The following GMPS variants were observed in gnomAD, a reference collection of about 807,000 sequenced individuals.
The protein encoded by GMPS is GMP synthase [glutamine-hydrolyzing].
A neutral mutation model predicts 77.9 loss-of-function variants in GMPS; 15 were observed. That is an observed-to-expected ratio of 0.19 (90% CI 0.13 to 0.30). GMPS has a LOEUF of 0.30. Among genes scored for constraint, GMPS ranks in the 10% least tolerant of loss-of-function variants. GMPS has a pLI of 1.00. For missense variants in GMPS, 590 were observed against 838.8 expected (o/e 0.70, Z 3.66); for synonymous variants, 224 against 275.9 (o/e 0.81, Z 1.86).
At chr3:155,936,584 C>T in intron 15 of GMPS, 74 bp downstream of exon 15, 1 of 835,322 alleles carries the variant, frequency 1.2e-6, no homozygotes. Flanking sequence ...ATGGAATAGG[C>T]TATGCCAGTG....
intron 1 of GMPS, among the ~76,000 whole-genome samples, chr3:155,875,059 C>A (rs149770830): frequency 1.3e-3 from 201 of 151,766 alleles, no homozygotes; most frequent in African/African-American, 4.4e-3. Context: ...GCTGGGATTA[C>A]AGGCGTGTGC....
intron 3 of GMPS, among the ~76,000 whole-genome samples, chr3:155,902,175 C>G (rs982796880): frequency 3.3e-5 from 5 of 152,120 alleles, no homozygotes; most frequent in African/African-American, 9.7e-5. Flanking sequence ...GTGAAGAGAC[C>G]TGAAGACATG....
chr3:155,893,140 C>T (rs1272253929), intron 1 of GMPS, among the ~76,000 whole-genome samples: 1 of 152,116 alleles, frequency 6.6e-6, no homozygotes, highest in African/African-American at 2.4e-5. Flanking sequence ...AACTGGGACA[C>T]TTTGAGATTG....
intron 1 of GMPS, among the ~76,000 whole-genome samples, chr3:155,886,247 T>G (rs1394977005): frequency 6.6e-6 from 1 of 151,842 alleles, no homozygotes; most frequent in Non-Finnish European, 1.5e-5. Flanking sequence ...ACAGAATACA[T>G]AGAGAAATGG....
chr3:155,913,179 T>A (rs1183236870), intron 7 of GMPS, among the ~76,000 whole-genome samples: 1 of 152,236 alleles, frequency 6.6e-6, no homozygotes, highest in East Asian at 1.9e-4. Flanking sequence ...ATATGTCTTC[T>A]CTGGGTAGTT....
At chr3:155,878,234 T>G (rs1278584212) in intron 1 of GMPS, among the ~76,000 whole-genome samples, 1 of 152,218 alleles carries the variant, frequency 6.6e-6, no homozygotes, top group Non-Finnish European at 1.5e-5. Context: ...CCGTAGCACC[T>G]ATTTTGGACA....
chr3:155,938,380 C>G lies in GMPS; in HGVS notation c.*688C>G, dbSNP rs902378632. On this transcript the variant is annotated 3_prime_UTR_variant, in exon 16 of 16. Coordinates refer to ENST00000496455, the MANE Select transcript of GMPS (RefSeq NM_003875.3). ...TTTCAAACCATGTTCCACATAGATG[C>G]CATGTTATTCAATGTCAGCTTGTTT... 4.7e-6 allele frequency: 1 copy of G among 214,966 alleles called. No homozygotes were observed. The highest frequency in any genetic ancestry group is 2.3e-5 in the African/African-American group (1 of 44,366). The allele number at this position is 214,966 out of a possible 1,614,324, so 13.3% of individuals were successfully genotyped here. A position where few individuals can be genotyped will look rare whatever the true frequency, so the allele number is the denominator to read the frequency against.
At chr3:155,916,245 T>TG in intron 9 of GMPS, 53 bp downstream of exon 9, 2 of 1,108,230 alleles carry the variant, frequency 1.8e-6, no homozygotes, top group Non-Finnish European at 2.7e-6. Flanking sequence ...AAGTCTTCCA[T>TG]TCTTCCCTCC....
chr3:155,887,791 G>T (rs187524996), intron 1 of GMPS, among the ~76,000 whole-genome samples: 3 of 151,372 alleles, frequency 2.0e-5, no homozygotes, highest in Non-Finnish European at 2.9e-5. Flanking sequence ...AGTTTAAGTC[G>T]TTCAGGTGGA....
chr3:155,894,596 G>A (rs1216146953), intron 2 of GMPS, among the ~76,000 whole-genome samples: 1 of 152,018 alleles, frequency 6.6e-6, no homozygotes, highest in Non-Finnish European at 1.5e-5. Context: ...GTAGAAGCAA[G>A]CAACTGTAGT....
In GMPS at chr3:155,941,585, A is replaced by G. The variant is rs1446677860; in HGVS notation, c.*3893A>G. On this transcript the variant is annotated 3_prime_UTR_variant, in exon 16 of 16. Coordinates refer to ENST00000496455, the MANE Select transcript of GMPS (RefSeq NM_003875.3). ...CTTTCCCACACTACTCCCCTCCAGAAATCTCATTGATATGTGGCGAGGACA... is the reference window on the plus strand; with the variant it reads ...CTTTCCCACACTACTCCCCTCCAGAGATCTCATTGATATGTGGCGAGGACA... 1 of 221,004 alleles carries G rather than the reference A, an allele frequency of 4.5e-6. No individual in the cohort carries two copies. Among genetic ancestry groups the G allele is most frequent in the East Asian group, 6.6e-5 (1 of 15,176 alleles). 13.7% of individuals were successfully genotyped at this position (221,004 alleles called of 1,614,324 possible). A position where few individuals can be genotyped will look rare whatever the true frequency, so the allele number is the denominator to read the frequency against.
chr3:155,942,116 CAG>C lies in GMPS; in HGVS notation c.*4427_*4428del, dbSNP rs919670394. On this transcript the variant is annotated 3_prime_UTR_variant, in exon 16 of 16. Coordinates refer to ENST00000496455, the MANE Select transcript of GMPS (RefSeq NM_003875.3). ...GTTTTGTTTTGTTTTTTTTTTAAGACAGAGTCTCGCTCTGTCCCCAAGTGCAG... is the reference window on the plus strand; with the variant it reads ...GTTTTGTTTTGTTTTTTTTTTAAGACAGTCTCGCTCTGTCCCCAAGTGCAG... 9.5e-5 allele frequency: 18 copies of C among 189,514 alleles called. No homozygotes were observed. The highest frequency in any genetic ancestry group is 1.9e-3 in the Middle Eastern group (1 of 526). 11.7% of individuals were successfully genotyped at this position (189,514 alleles called of 1,614,324 possible).
intron 4 of GMPS, 101 bp downstream of exon 4, chr3:155,904,061 T>G: frequency 1.7e-6 from 1 of 599,916 alleles, no homozygotes; most frequent in South Asian, 2.4e-5. Flanking sequence ...ATAAACAAAA[T>G]TAAGGGTATA....
At chr3:155,875,602 G>C (rs910152464) in intron 1 of GMPS, among the ~76,000 whole-genome samples, 4 of 152,214 alleles carry the variant, frequency 2.6e-5, no homozygotes, top group Non-Finnish European at 4.4e-5. Flanking sequence ...GAATGAAAGT[G>C]TCAGGGTTAA....
chr3:155,871,867 C>G (rs1753914580), intron 1 of GMPS, among the ~76,000 whole-genome samples: 1 of 152,250 alleles, frequency 6.6e-6, no homozygotes, highest in East Asian at 1.9e-4. Context: ...CTCTTACTTT[C>G]GTCCCGCTTT....
At position 155,939,710 on chromosome 3, in the gene GMPS, CA is replaced by C. The variant is rs1306731108; in HGVS notation, c.*2021del. On this transcript the variant is annotated 3_prime_UTR_variant, in exon 16 of 16. Transcript: ENST00000496455. The stretch of plus-strand genomic sequence containing the variant: ...TATAATATTGGGAAAATTGTTACTC[CA>C]AAGCACATCTTGACATGACATAGTT... 2.1e-5 allele frequency: 4 copies of C among 193,356 alleles called. No homozygotes were observed. The highest frequency in any genetic ancestry group is 4.3e-5 in the Non-Finnish European group (4 of 92,822). The allele number at this position is 193,356 out of a possible 1,614,324, so 12.0% of individuals were successfully genotyped here. A position where few individuals can be genotyped will look rare whatever the true frequency, so the allele number is the denominator to read the frequency against.
intron 9 of GMPS, 47 bp downstream of exon 9, chr3:155,916,239 C>T: frequency 8.8e-7 from 1 of 1,130,622 alleles, no homozygotes; most frequent in Non-Finnish European, 1.3e-6. Flanking sequence ...CATGGAAAGT[C>T]TTCCATTCTT....
At chr3:155,927,921 A>G (rs1755497236) in intron 12 of GMPS, among the ~76,000 whole-genome samples, 1 of 151,480 alleles carries the variant, frequency 6.6e-6, no homozygotes, top group Admixed American at 6.6e-5. Flanking sequence ...CTTCTAACCA[A>G]TGGGCATTTA....
chr3:155,888,732 T>C (rs372575968), intron 1 of GMPS, among the ~76,000 whole-genome samples: 1 of 152,032 alleles, frequency 6.6e-6, no homozygotes, highest in African/African-American at 2.4e-5. Flanking sequence ...ATCACAGGCA[T>C]GCACCACCAC....
Sources: gnomAD v4.1 joint callset for allele counts (sites outside exome capture counted in the v4.1 genomes callset) on GRCh38, gnomAD v4.1.1 for gene constraint, MANE v1.5 for transcripts, NCBI Gene and HGNC (gene_info 2026-07-23, HGNC 2026-07-21) for gene names.